The following AGBL4 variants were observed in gnomAD, a reference collection of about 807,000 sequenced individuals.
AGBL4 encodes the protein cytosolic carboxypeptidase 6.
Under a neutral mutation model 66.4 loss-of-function variants are expected in AGBL4, and 58 were observed. The ratio of observed to expected loss-of-function variants is 0.87; its 90% CI spans 0.71 to 1.09. AGBL4 has a LOEUF of 1.09. AGBL4 is among the 50% of genes least tolerant of loss of function. The probability of loss-of-function intolerance (pLI) is 0.00; values close to 1 mark genes in which losing one functional copy is unlikely to be tolerated. For missense variants in AGBL4, 579 were observed against 631.0 expected, an observed-to-expected ratio of 0.92 and a Z score of 0.88; for synonymous variants, 234 against 222.9, an observed-to-expected ratio of 1.05 and a Z score of -0.44.
chr1:49,550,730 A>G (rs943087763), intron 3 of AGBL4, among the ~76,000 whole-genome samples: 3 of 152,142 alleles, frequency 2.0e-5, no homozygotes, highest in Non-Finnish European at 4.4e-5. Context: ...CACAGCTCTT[A>G]AGATTCTTTC....
intron 1 of AGBL4, among the ~76,000 whole-genome samples, chr1:49,880,635 G>C (rs1647206795): frequency 6.6e-6 from 1 of 152,178 alleles, no homozygotes; most frequent in African/African-American, 2.4e-5. Flanking sequence ...CCTGCCCCCA[G>C]AGGTGGAGCC....
intron 1 of AGBL4, among the ~76,000 whole-genome samples, chr1:49,893,433 C>A (rs1280617528): frequency 6.6e-6 from 1 of 152,198 alleles, no homozygotes; most frequent in Non-Finnish European, 1.5e-5. Context: ...GGACCCAATT[C>A]TAGGCCTTGA....
At chr1:49,847,066 A>G (rs1051260116) in intron 2 of AGBL4, among the ~76,000 whole-genome samples, 6 of 152,248 alleles carry the variant, frequency 3.9e-5, no homozygotes, top group African/African-American at 1.4e-4. Flanking sequence ...ACAGCATGGT[A>G]CTGGTTTAAA....
At chr1:49,944,203 A>G (rs1655013166) in intron 1 of AGBL4, among the ~76,000 whole-genome samples, 1 of 151,976 alleles carries the variant, frequency 6.6e-6, no homozygotes, top group Admixed American at 6.6e-5. Flanking sequence ...ACCACAGCTG[A>G]TGCTCTTTTG....
intron 4 of AGBL4, among the ~76,000 whole-genome samples, chr1:49,151,284 AT>A (rs1309311764): frequency 5.0e-4 from 65 of 129,998 alleles, no homozygotes; most frequent in African/African-American, 7.6e-4. Flanking sequence ...AAAAAAAAAT[AT>A]ATATATATAT....
intron 4 of AGBL4, among the ~76,000 whole-genome samples, chr1:49,147,950 T>A (rs1224221139): frequency 6.6e-6 from 1 of 152,082 alleles, no homozygotes; most frequent in Non-Finnish European, 1.5e-5. Flanking sequence ...AAAGCAGGGA[T>A]CTTTCTGCAT....
intron 3 of AGBL4, among the ~76,000 whole-genome samples, chr1:49,449,042 G>T (rs1267243587): frequency 6.6e-6 from 1 of 151,850 alleles, no homozygotes; most frequent in Non-Finnish European, 1.5e-5. Flanking sequence ...AATGTAAAAT[G>T]AATTTATTAA....
At chr1:49,840,132 T>C (rs1645954504) in intron 2 of AGBL4, among the ~76,000 whole-genome samples, 1 of 152,190 alleles carries the variant, frequency 6.6e-6, no homozygotes, top group Non-Finnish European at 1.5e-5. Flanking sequence ...CTTTTTATTA[T>C]TGATTCAGTT....
intron 11 of AGBL4, among the ~76,000 whole-genome samples, chr1:48,578,733 G>A (rs1378310221): frequency 1.3e-5 from 2 of 152,166 alleles, no homozygotes; most frequent in African/African-American, 2.4e-5. Flanking sequence ...CAGATGTTGG[G>A]TGAGGCCTGC....
At chr1:49,716,985 T>C (rs1648195831) in intron 2 of AGBL4, among the ~76,000 whole-genome samples, 1 of 152,096 alleles carries the variant, frequency 6.6e-6, no homozygotes, top group South Asian at 2.1e-4. Flanking sequence ...GGAAGTCAAA[T>C]TGTCCCTGTT....
At chr1:48,642,597 G>A (rs1645774855) in intron 8 of AGBL4, among the ~76,000 whole-genome samples, 2 of 152,146 alleles carry the variant, frequency 1.3e-5, no homozygotes, top group Admixed American at 6.5e-5. Flanking sequence ...GGCAGAGAGG[G>A]TCTGCCAAGG....
At chr1:49,620,871 T>C (rs1470196042) in intron 3 of AGBL4, among the ~76,000 whole-genome samples, 1 of 152,212 alleles carries the variant, frequency 6.6e-6, no homozygotes, top group Non-Finnish European at 1.5e-5. Flanking sequence ...ACCTTTTTTT[T>C]TTCAAAATTA....
chr1:49,768,447 C>T (rs139023838), intron 2 of AGBL4, among the ~76,000 whole-genome samples: 208 of 152,260 alleles, frequency 1.4e-3, no homozygotes, highest in Middle Eastern at 6.8e-3. Flanking sequence ...TCAACTGACA[C>T]AGAAAATGCT....
At chr1:48,737,646 T>C (rs1238708289) in intron 6 of AGBL4, among the ~76,000 whole-genome samples, 1 of 152,216 alleles carries the variant, frequency 6.6e-6, no homozygotes, top group Non-Finnish European at 1.5e-5. Context: ...TGAGTTTCAG[T>C]GCAGAGCCAA....
chr1:49,797,641 C>G (rs918077965), intron 2 of AGBL4, among the ~76,000 whole-genome samples: 3 of 152,078 alleles, frequency 2.0e-5, no homozygotes, highest in Non-Finnish European at 4.4e-5. Context: ...CTTAGGGTCT[C>G]GCTATGTTGC....
chr1:49,668,306 G>C lies in AGBL4; in HGVS notation c.282+29007C>G, dbSNP rs917926974. ...GAAATGATTGAATTTTTGCTCCTAT[G>C]AGATAATGTTAATTCACACAGGCTG... On this transcript the variant is annotated intron_variant, in intron 3 of 13. Coordinates refer to ENST00000371839, the MANE Select transcript of AGBL4 (RefSeq NM_032785.4). Among the ~76,000 whole-genome samples the C allele has an allele frequency of 4.3e-4, 66 of 152,086 alleles. 2 individuals are homozygous for C. The highest frequency in any genetic ancestry group is 4.3e-3 in the Admixed American group (65 of 15,254).
At chr1:48,725,587 C>T (rs191417666) in intron 6 of AGBL4, among the ~76,000 whole-genome samples, 5 of 152,310 alleles carry the variant, frequency 3.3e-5, no homozygotes, top group Admixed American at 2.6e-4. Flanking sequence ...AGATTCTCAG[C>T]CTAGACCACA....
At chr1:49,443,230 C>T (rs1646075608) in intron 3 of AGBL4, among the ~76,000 whole-genome samples, 1 of 152,056 alleles carries the variant, frequency 6.6e-6, no homozygotes, top group Non-Finnish European at 1.5e-5. Context: ...GTTGTCTCTT[C>T]AATCTGTTAT....
chr1:48,557,697 G>T (rs1262061450), intron 11 of AGBL4, among the ~76,000 whole-genome samples: 1 of 152,226 alleles, frequency 6.6e-6, no homozygotes, highest in Non-Finnish European at 1.5e-5. Flanking sequence ...GCTATAGGGT[G>T]AAGCCAATTG....
Sources: gnomAD v4.1 joint callset for allele counts (sites outside exome capture counted in the v4.1 genomes callset) on GRCh38, gnomAD v4.1.1 for gene constraint, MANE v1.5 for transcripts, NCBI Gene and HGNC (gene_info 2026-07-23, HGNC 2026-07-21) for gene names.